IGF1R: variants seen among roughly 807,000 people sequenced by gnomAD.
The protein encoded by IGF1R is insulin-like growth factor 1 receptor.
A neutral mutation model predicts 144.6 loss-of-function variants in IGF1R; 44 were observed. The observed-to-expected ratio is 0.30, with a 90% CI of 0.24 to 0.39. The LOEUF (loss-of-function observed/expected upper bound fraction) is 0.39. Ranked by LOEUF, IGF1R falls within the 10% of genes least tolerant of loss-of-function variation. IGF1R has a pLI of 1.00. For synonymous variants in IGF1R, 795 were observed against 722.8 expected (o/e 1.10, Z -1.60); for missense variants, 1,355 against 1,833.7 (o/e 0.74, Z 4.77).
At chr15:98,733,811 C>T (rs536784800) in intron 2 of IGF1R, among the ~76,000 whole-genome samples, 24 of 152,266 alleles carry the variant, frequency 1.6e-4, no homozygotes, top group African/African-American at 4.8e-4. Flanking sequence ...AAGCTGTCTT[C>T]GGGAGGCAAA....
At chr15:98,820,649 C>G (rs1304112496) in intron 2 of IGF1R, among the ~76,000 whole-genome samples, 1 of 152,122 alleles carries the variant, frequency 6.6e-6, no homozygotes, top group Non-Finnish European at 1.5e-5. Context: ...CTTATAAGGC[C>G]TAGGTGTCAA....
chr15:98,665,715 G>A (rs1452596610), intron 1 of IGF1R, among the ~76,000 whole-genome samples: 1 of 152,254 alleles, frequency 6.6e-6, no homozygotes, highest in Admixed American at 6.5e-5. Flanking sequence ...TTGCAAGGAT[G>A]AGCATCCCCA....
intron 5 of IGF1R, among the ~76,000 whole-genome samples, chr15:98,904,136 T>C (rs2014615343): frequency 1.4e-5 from 2 of 147,982 alleles, no homozygotes; most frequent in East Asian, 2.0e-4. Context: ...CACTGCAAGC[T>C]CCGCCTCCGG....
chr15:98,698,728 A>G (rs1394873105), intron 1 of IGF1R, among the ~76,000 whole-genome samples: 1 of 152,248 alleles, frequency 6.6e-6, no homozygotes, highest in Non-Finnish European at 1.5e-5. Context: ...ATACTAGCCC[A>G]GTCCTTTTCC....
intron 2 of IGF1R, among the ~76,000 whole-genome samples, chr15:98,821,283 TCC>T (rs1401856414): frequency 3.3e-5 from 4 of 122,816 alleles, no homozygotes; most frequent in African/African-American, 1.4e-4. Context: ...TAAACACGCC[TCC>T]CCCCCCCCTT....
intron 15 of IGF1R, among the ~76,000 whole-genome samples, chr15:98,932,873 C>T (rs1330850612): frequency 6.6e-6 from 1 of 152,168 alleles, no homozygotes; most frequent in African/African-American, 2.4e-5. Context: ...ATTGGACACC[C>T]CTCAGAGGTC....
chr15:98,908,602 G>C, intron 5 of IGF1R, 83 bp from the exon 6 acceptor site: 1 of 947,504 alleles, frequency 1.1e-6, no homozygotes, highest in Non-Finnish European at 1.7e-6. Flanking sequence ...AGGTGGCAAA[G>C]AGGACCTGTG....
At chr15:98,720,106 C>T (rs1347812758) in intron 2 of IGF1R, among the ~76,000 whole-genome samples, 4 of 152,168 alleles carry the variant, frequency 2.6e-5, no homozygotes, top group Non-Finnish European at 4.4e-5. Context: ...GATGCCAGCT[C>T]CTCAGCCTCC....
intron 1 of IGF1R, among the ~76,000 whole-genome samples, chr15:98,684,310 A>G (rs1462023170): frequency 2.1e-5 from 3 of 143,148 alleles, no homozygotes; most frequent in African/African-American, 7.9e-5. Context: ...TTTTATTGTC[A>G]TCTTTGTTTA....
At chr15:98,759,854 A>C (rs1311868342) in intron 2 of IGF1R, among the ~76,000 whole-genome samples, 1 of 152,156 alleles carries the variant, frequency 6.6e-6, no homozygotes, top group Non-Finnish European at 1.5e-5. Flanking sequence ...TGTGTCTTGC[A>C]GAATTATTTT....
At chr15:98,821,468 T>C (rs1401388581) in intron 2 of IGF1R, among the ~76,000 whole-genome samples, 1 of 152,162 alleles carries the variant, frequency 6.6e-6, no homozygotes, top group Non-Finnish European at 1.5e-5. Flanking sequence ...CTGTGGCCCC[T>C]TTTCTGCTGG....
rs138028599 is a variant in IGF1R, at chr15:98,924,594, C to T, written c.2692C>T (p.Pro898Ser). The change falls in exon 13 of 21, where the codon CCG becomes TCG. Residue 898 changes from proline (P) to serine (S), a missense_variant. Around this residue, in one of 7 missense-constraint regions of IGF1R, gnomAD observed 880 missense variants for 1,202.7 expected, o/e 0.73. Transcript: ENST00000650285. ...YGGAKLNRLN[P>S]GNYTARIQAT... ...AGGGGCCAAGCTAAACCGGCTAAAC[C>T]CGGGGAACTACACAGCCCGGATTCA... 1.2e-6 allele frequency: 2 copies of T among 1,613,890 alleles called. No individual in the cohort carries two copies. Among genetic ancestry groups the T allele is most frequent in the African/African-American group, 2.7e-5 (2 of 74,874 alleles).
chr15:98,799,271 T>C (rs2056312647), intron 2 of IGF1R, among the ~76,000 whole-genome samples: 1 of 152,044 alleles, frequency 6.6e-6, no homozygotes, highest in African/African-American at 2.4e-5. Context: ...ACCCGTAAAG[T>C]ACGTTCATAT....
At chr15:98,840,672 GTTTTGT>G (rs2141529439) in intron 2 of IGF1R, among the ~76,000 whole-genome samples, 1 of 136,480 alleles carries the variant, frequency 7.3e-6, no homozygotes, top group East Asian at 2.3e-4. Flanking sequence ...TTTGTTTTTT[GTTTTGT>G]TTTTTTTTTT....
chr15:98,715,072 G>A (rs2054082092), intron 2 of IGF1R, among the ~76,000 whole-genome samples: 1 of 152,224 alleles, frequency 6.6e-6, no homozygotes, highest in African/African-American at 2.4e-5. Context: ...GCTCTGGTCA[G>A]CTGCTCCCAG....
At chr15:98,873,687 A>C (rs2141611691) in intron 2 of IGF1R, 1 of 152,278 alleles carries the variant, frequency 6.6e-6, no homozygotes, top group African/African-American at 2.4e-5. Flanking sequence ...ATTTCCTGTA[A>C]GTTTTGCAAG....
chr15:98,728,776 G>A (rs1291644360), intron 2 of IGF1R, among the ~76,000 whole-genome samples: 9 of 152,238 alleles, frequency 5.9e-5, no homozygotes, highest in Non-Finnish European at 8.8e-5. Flanking sequence ...GTTTTTAAGT[G>A]GCTTCCTTTC....
intron 12 of IGF1R, 62 bp downstream of exon 12, chr15:98,924,074 C>T: frequency 6.8e-7 from 1 of 1,473,648 alleles, no homozygotes; most frequent in Non-Finnish European, 9.5e-7. Context: ...CATATGCTAC[C>T]TGACTGCACA....
Position 98,719,461 on chromosome 15 carries a change from AG to A in IGF1R, c.640+11360del, listed in dbSNP as rs1422657815. ...CTCACCAAATATTTCTTGTTTGCTG[AG>A]GGGGGAAAAAGATCCTCCTTGGAAA... On this transcript the variant is annotated intron_variant, in intron 2 of 20. Coordinates refer to ENST00000650285, the MANE Select transcript of IGF1R (RefSeq NM_000875.5). 2.6e-5 allele frequency among the ~76,000 whole-genome samples: 4 copies of A among 152,090 alleles called. No individual in the cohort carries two copies. The South Asian group carries it at 6.2e-4, about 24-fold the overall frequency.
Sources: allele counts gnomAD v4.1 joint callset (sites outside exome capture counted in the v4.1 genomes callset), GRCh38; gene constraint gnomAD v4.1.1; regional missense constraint gnomAD v4.1.1; transcripts MANE v1.5; gene names NCBI Gene and HGNC (gene_info 2026-07-23, HGNC 2026-07-21).